The following ZNF662 variants were observed in gnomAD, a reference collection of about 807,000 sequenced individuals.
ZNF662 encodes the protein zinc finger protein 662.
ZNF662 carries 14 observed loss-of-function variants against 12.4 expected under a neutral mutation model. The observed-to-expected ratio is 1.13, with a 90% CI of 0.75 to 1.77. ZNF662 has a LOEUF of 1.77. Among genes scored for constraint, ZNF662 ranks in the 40% most tolerant of loss-of-function variants. The probability of loss-of-function intolerance (pLI) is 0.00; values close to 1 mark genes in which losing one functional copy is unlikely to be tolerated. For missense variants in ZNF662, 550 were observed against 515.6 expected (o/e 1.07, Z -0.65); for synonymous variants, 184 against 176.4 (o/e 1.04, Z -0.34).
Position 42,906,362 on chromosome 3 carries a change from T to C in ZNF662, c.-94+194T>C. ...AGGGCGACCTGGGCTATGGCGGCCG[T>C]GGCGCTGGCGAGCGGGACACGCCTC... On this transcript the variant is annotated intron_variant, in intron 1 of 4. Transcript: ENST00000440367. The surrounding 1 kb of genome is among the most constrained non-coding windows in gnomAD (Gnocchi z 4.4). 6.5e-7 allele frequency: 1 copy of C among 1,527,700 alleles called. No individual in the cohort carries two copies. The highest frequency in any genetic ancestry group is 8.8e-7 in the Non-Finnish European group (1 of 1,142,162). 94.6% of individuals were successfully genotyped at this position (1,527,700 alleles called of 1,614,324 possible).
rs2088922655 is a variant in ZNF662, at chr3:42,918,954, G to A, written c.*3600G>A. On this transcript the variant is annotated 3_prime_UTR_variant, in exon 5 of 5. Coordinates refer to ENST00000440367, the MANE Select transcript of ZNF662 (RefSeq NM_207404.4). ...CTATAGTTATGCCTGCTAAGATTGG[G>A]GTGTTTGGGGCTTGGCTTTCGTTAG... Among the ~76,000 whole-genome samples, 1 of 152,148 alleles carries A rather than the reference G, an allele frequency of 6.6e-6. No individual in the cohort carries two copies. The highest frequency in any genetic ancestry group is 2.1e-4 in the South Asian group (1 of 4,834).
In ZNF662 at chr3:42,908,925, C is replaced by T. The variant is rs368030662; in HGVS notation, c.151+16C>T. The T allele has an allele frequency of 3.2e-5, 51 of 1,571,004 alleles. No homozygotes were observed. In the African/African-American group the frequency reaches 3.8e-4, roughly 12 times the overall value. ...ATCTCCTCAGGTGAGTGAGGGCACA[C>T]GTGCCGGTCATCTGACCAGTTTTCT... is the stretch of plus-strand genomic sequence containing the variant. On this transcript the variant is annotated intron_variant, in intron 3 of 4. Transcript: ENST00000440367.
chr3:42,909,774 T>C (rs1170030113), intron 3 of ZNF662, among the ~76,000 whole-genome samples: 1 of 148,380 alleles, frequency 6.7e-6, no homozygotes, highest in Non-Finnish European at 1.5e-5. Flanking sequence ...TCAGAGACGC[T>C]CCTCACCTCC....
intron 3 of ZNF662, among the ~76,000 whole-genome samples, chr3:42,910,038 G>T (rs34420127): frequency 6.6e-5 from 10 of 152,064 alleles, no homozygotes; most frequent in African/African-American, 2.4e-4. Context: ...CCGAGATCAC[G>T]CCACTGCACT....
rs1469573829 is a variant in ZNF662, at chr3:42,914,448, T to G, written c.375T>G (p.Phe125Leu). ...GGTGTGGATCCCAGGAATTATGGTT[T>G]GGGAAAACCTGTGAAGAGAAAAGCA... ...PQWCGSQELW[F>L]GKTCEEKSRL... The change falls in exon 5 of 5, where the codon TTT becomes TTG. Residue 125 changes from phenylalanine (F) to leucine (L), a missense_variant. By Grantham distance (22) the Phe-to-Leu change is conservative. Coordinates refer to ENST00000440367, the MANE Select transcript of ZNF662 (RefSeq NM_207404.4). 6.2e-6 allele frequency: 10 copies of G among 1,613,826 alleles called. No individual in the cohort carries two copies. The highest frequency in any genetic ancestry group is 4.0e-5 in the African/African-American group (3 of 74,830).
intron 3 of ZNF662, among the ~76,000 whole-genome samples, chr3:42,911,657 T>A (rs2088792623): frequency 6.6e-6 from 1 of 152,212 alleles, no homozygotes; most frequent in African/African-American, 2.4e-5. Context: ...CATTTGAAGG[T>A]GTAGAATTGA....
In ZNF662 at chr3:42,914,987, C is replaced by T. The variant is rs757255497; in HGVS notation, c.914C>T (p.Thr305Ile). Residue 305 changes from threonine to isoleucine, a missense_variant, in exon 5 of 5, where the codon ACA becomes ATA. Thr to Ile is a moderately conservative substitution (Grantham distance 89, BLOSUM62 -1). Coordinates refer to ENST00000440367, the MANE Select transcript of ZNF662 (RefSeq NM_207404.4). ...QRIHTGEKPY[T>I]CKECGKSFTR... is the part of the protein sequence containing the mutation. Reference sequence around the variant, plus strand: ...ATCCACACTGGTGAGAAACCATACACATGTAAGGAATGTGGGAAAAGCTTT... The same window carrying T: ...ATCCACACTGGTGAGAAACCATACATATGTAAGGAATGTGGGAAAAGCTTT... 3.1e-6 allele frequency: 5 copies of T among 1,613,936 alleles called. No individual in the cohort carries two copies. In the Admixed American group the frequency reaches 6.7e-5, roughly 22 times the overall value.
chr3:42,914,940 A>G lies in ZNF662; in HGVS notation c.867A>G (p.Thr289=), dbSNP rs2088880539. 3 of 1,613,788 alleles carry G rather than the reference A, an allele frequency of 1.9e-6. No individual in the cohort carries two copies. In the South Asian group the frequency reaches 3.3e-5, roughly 18 times the overall value. Residue 289 remains threonine (T), a synonymous_variant, in exon 5 of 5, where the codon ACA becomes ACG. Coordinates refer to ENST00000440367, the MANE Select transcript of ZNF662 (RefSeq NM_207404.4). ...GTGGGAAGGGCTTTAGTCAGAACAC[A>G]AGCCTTACGCAACATCAACGGATCC... ...KECGKGFSQN[T]SLTQHQRIHT...
chr3:42,912,655 T>TATATATATTTTTTTTTATATATATAA (rs1559381487), intron 3 of ZNF662, among the ~76,000 whole-genome samples: 2 of 46,708 alleles, frequency 4.3e-5, no homozygotes, highest in African/African-American at 2.2e-4. Flanking sequence ...TATATATAAA[T>TATATATATTTTTTTTTATATATATAA]ATATATATAT....
chr3:42,910,326 T>G (rs1431994660), intron 3 of ZNF662, among the ~76,000 whole-genome samples: 1 of 152,004 alleles, frequency 6.6e-6, no homozygotes, highest in Non-Finnish European at 1.5e-5. Flanking sequence ...TGGCTGGGCT[T>G]TAGAGGGAGA....
chr3:42,911,236 A>G (rs2088785020), intron 3 of ZNF662, among the ~76,000 whole-genome samples: 1 of 152,178 alleles, frequency 6.6e-6, no homozygotes, highest in Non-Finnish European at 1.5e-5. Flanking sequence ...TCTCTGAATC[A>G]GTCTCTCATG....
Position 42,906,228 on chromosome 3 carries a change from C to A in ZNF662, c.-94+60C>A. On this transcript the variant is annotated intron_variant, in intron 1 of 4. Transcript: ENST00000440367. The surrounding 1 kb of genome is among the most constrained non-coding windows in gnomAD (Gnocchi z 4.4). ...AGGGAGTGGAGTCGGGGTCTTACTC[C>A]GGTGGCTGCAGGGCGCAGGGTAGCC... is the stretch of plus-strand genomic sequence containing the variant. 1 of 834,036 alleles carries A rather than the reference C, an allele frequency of 1.2e-6. No homozygotes were observed. Among genetic ancestry groups the A allele is most frequent in the Non-Finnish European group, 1.8e-6 (1 of 562,302 alleles). 51.7% of individuals were successfully genotyped at this position (834,036 alleles called of 1,614,324 possible). A position where few individuals can be genotyped will look rare whatever the true frequency, so the allele number is the denominator to read the frequency against.
At position 42,906,763 on chromosome 3, in the gene ZNF662, A is replaced by G. The variant is rs1443946023; in HGVS notation, c.-94+595A>G. On this transcript the variant is annotated intron_variant, in intron 1 of 4. Coordinates refer to ENST00000440367, the MANE Select transcript of ZNF662 (RefSeq NM_207404.4). This position sits in a 1 kb window ranked among gnomAD's most constrained non-coding sequence, Gnocchi z 4.4. ...TAGGTTGAAAAGGAATTTGCAATGC[A>G]GGAGCAGGAAGGAAGAACTGGATAT... Among the ~76,000 whole-genome samples the G allele has an allele frequency of 6.6e-6, 1 of 152,226 alleles. No individual in the cohort carries two copies. The highest frequency in any genetic ancestry group is 2.4e-5 in the African/African-American group (1 of 41,456).
chr3:42,914,490 T>A lies in ZNF662; in HGVS notation c.417T>A (p.Pro139=). The A allele has an allele frequency of 6.2e-7, 1 of 1,614,092 alleles. No homozygotes were observed. The highest frequency in any genetic ancestry group is 8.5e-7 in the Non-Finnish European group (1 of 1,180,010). Residue 139 remains proline (P), a synonymous_variant, in exon 5 of 5, where the codon CCT becomes CCA. Transcript: ENST00000440367. ...AGAAAAGCAGGTTAGGGAGATGGCC[T>A]GGTTACCTCAATGGGGGACGTATGG... ...CEEKSRLGRW[P]GYLNGGRMES... is the part of the protein sequence containing the mutation.
chr3:42,917,484 A>C lies in ZNF662; in HGVS notation c.*2130A>C. On this transcript the variant is annotated 3_prime_UTR_variant, in exon 5 of 5. Transcript: ENST00000440367. The stretch of plus-strand genomic sequence containing the variant: ...CAAGCTTCCAGGTGCTACCATATGG[A>C]GCCTAAGGATAAAGCCAATACCAAA... The C allele has an allele frequency of 1.4e-6, 1 of 700,112 alleles. No individual in the cohort carries two copies. Among genetic ancestry groups the C allele is most frequent in the Non-Finnish European group, 2.6e-6 (1 of 384,360 alleles). 43.4% of individuals were successfully genotyped at this position (700,112 alleles called of 1,614,324 possible).
intron 3 of ZNF662, among the ~76,000 whole-genome samples, chr3:42,912,562 A>ATG (rs2088819988): frequency 2.6e-5 from 1 of 38,878 alleles, no homozygotes. Context: ...ATAAATATAT[A>ATG]TATAAATACA....
intron 3 of ZNF662, among the ~76,000 whole-genome samples, chr3:42,912,438 T>A (rs2088813552): frequency 1.0e-5 from 1 of 96,738 alleles, no homozygotes; most frequent in African/African-American, 4.2e-5. Flanking sequence ...TATATAATAT[T>A]TTTGTATATT....
intron 3 of ZNF662, among the ~76,000 whole-genome samples, chr3:42,909,752 C>T (rs948653654): frequency 6.8e-6 from 1 of 147,920 alleles, no homozygotes; most frequent in Admixed American, 6.6e-5. Context: ...ACATCTCAGA[C>T]GGGGCGGCCA....
At position 42,915,064 on chromosome 3, in the gene ZNF662, C is replaced by T. The variant is rs373371053; in HGVS notation, c.991C>T (p.Pro331Ser). The T allele has an allele frequency of 6.2e-7, 1 of 1,613,982 alleles. No homozygotes were observed. The change falls in exon 5 of 5, where the codon CCT becomes TCT. Residue 331 changes from proline to serine, a missense_variant. Coordinates refer to ENST00000440367, the MANE Select transcript of ZNF662 (RefSeq NM_207404.4). ...RHQRMHTGEK[P>S]YECKDCGKGF... Reference sequence around the variant, plus strand: ...TCAGAGAATGCACACTGGGGAGAAGCCTTACGAATGTAAGGACTGTGGGAA... The same window carrying T: ...TCAGAGAATGCACACTGGGGAGAAGTCTTACGAATGTAAGGACTGTGGGAA...
Sources: gnomAD v4.1 joint callset for allele counts (sites outside exome capture counted in the v4.1 genomes callset) on GRCh38, gnomAD v4.1.1 for gene constraint, Gnocchi (gnomAD v3.1) non-coding constraint, MANE v1.5 for transcripts, NCBI Gene and HGNC (gene_info 2026-07-23, HGNC 2026-07-21) for gene names.